The following TNRC6A variants were observed in gnomAD, a reference collection of about 807,000 sequenced individuals.
The protein encoded by TNRC6A is trinucleotide repeat containing adaptor 6A.
A neutral mutation model predicts 221.2 loss-of-function variants in TNRC6A; 44 were observed. That is an observed-to-expected ratio of 0.20 (90% confidence interval 0.16 to 0.26). TNRC6A has a LOEUF of 0.26. Among genes scored for constraint, TNRC6A ranks in the 10% least tolerant of loss-of-function variants. The pLI is 1.00. For synonymous variants in TNRC6A, 847 were observed against 838.5 expected, an observed-to-expected ratio of 1.01 and a Z score of -0.18; for missense variants, 2,199 against 2,404.4, an observed-to-expected ratio of 0.91 and a Z score of 1.79.
At chr16:24,787,944 G>C (rs763561996) in intron 5 of TNRC6A, among the ~76,000 whole-genome samples, 1 of 152,100 alleles carries the variant, frequency 6.6e-6, no homozygotes, top group Non-Finnish European at 1.5e-5. Flanking sequence ...AAAGCACTAC[G>C]TGTGATTCTG....
chr16:24,669,216 A>G (rs1005188405), intron 2 of TNRC6A, among the ~76,000 whole-genome samples: 15 of 152,106 alleles, frequency 9.9e-5, no homozygotes, highest in South Asian at 4.1e-4. Flanking sequence ...CTTCTAATAA[A>G]AATCCTGGCG....
At chr16:24,660,739 CTTTTTTTTT>C (rs58299677) in intron 2 of TNRC6A, among the ~76,000 whole-genome samples, 9 of 91,292 alleles carry the variant, frequency 9.9e-5, no homozygotes, top group South Asian at 8.0e-4. Context: ...TTTTTTTTTT[CTTTTTTTTT>C]TTTTTTTTTT....
chr16:24,744,110 T>G (rs2056951502), intron 2 of TNRC6A, among the ~76,000 whole-genome samples: 1 of 152,220 alleles, frequency 6.6e-6, no homozygotes, highest in South Asian at 2.1e-4. Context: ...AGAATGTCCC[T>G]CAGTCTGTAT....
At chr16:24,754,246 C>T (rs761806238) in intron 3 of TNRC6A, among the ~76,000 whole-genome samples, 8 of 151,950 alleles carry the variant, frequency 5.3e-5, no homozygotes, top group African/African-American at 1.9e-4. Context: ...TAGACACCGA[C>T]GAGCCTTACA....
chr16:24,820,056 T>C, intron 21 of TNRC6A, 83 bp from the exon 22 acceptor site: 1 of 1,298,248 alleles, frequency 7.7e-7, no homozygotes, highest in Non-Finnish European at 1.1e-6. Context: ...TTGCTTTTTG[T>C]GGGAGAATGG....
intron 2 of TNRC6A, among the ~76,000 whole-genome samples, chr16:24,675,021 C>T (rs1567345916): frequency 1.3e-5 from 2 of 152,114 alleles, no homozygotes; most frequent in Non-Finnish European, 2.9e-5. Context: ...TGGCATGCGT[C>T]TGTAGTCCCA....
rs537501471 is a variant in TNRC6A at position 24,711,076 on chromosome 16, C to T, written n.403-39650C>T. 2.6e-5 allele frequency among the ~76,000 whole-genome samples: 4 copies of T among 152,142 alleles called. No homozygotes were observed. In the East Asian group the frequency reaches 5.8e-4, roughly 22 times the overall value. ...ATTTTTAGTAGAGACTGGGTTTCAC[C>T]GTGTTAGCCAGGATGGTCTCAATCT... is the stretch of plus-strand genomic sequence containing the variant. On this transcript the variant is annotated intron_variant and non_coding_transcript_variant, in intron 2 of 2. Transcript: ENST00000566108.
intron 1 of TNRC6A, among the ~76,000 whole-genome samples, chr16:24,630,016 T>A (rs1385411075): frequency 2.0e-5 from 3 of 152,082 alleles, no homozygotes; most frequent in Non-Finnish European, 4.4e-5. Context: ...ATCTTAACCA[T>A]TTTTAAGTGT....
At chr16:24,719,839 T>C (rs1027876908) in intron 2 of TNRC6A, among the ~76,000 whole-genome samples, 1 of 122,198 alleles carries the variant, frequency 8.2e-6, no homozygotes. Flanking sequence ...AGACCTTGTC[T>C]CAAAAAAAAA....
At chr16:24,672,584 A>G (rs1216472074) in intron 2 of TNRC6A, among the ~76,000 whole-genome samples, 1 of 151,914 alleles carries the variant, frequency 6.6e-6, no homozygotes, top group Non-Finnish European at 1.5e-5. Flanking sequence ...TGGGACTACA[A>G]GCATGCACCA....
At chr16:24,708,621 A>C (rs1441224432) in intron 2 of TNRC6A, among the ~76,000 whole-genome samples, 1 of 151,750 alleles carries the variant, frequency 6.6e-6, no homozygotes, top group East Asian at 1.9e-4. Flanking sequence ...ACTGTCTCCA[A>C]TATGTAGTCT....
chr16:24,666,688 T>TATATATAC (rs1215764027), intron 2 of TNRC6A, among the ~76,000 whole-genome samples: 2 of 114,274 alleles, frequency 1.8e-5, no homozygotes, highest in African/African-American at 6.4e-5. Context: ...TATATATATA[T>TATATATAC]ACATATGGCA....
At chr16:24,660,728 C>CTTTTTTTTTTTTT (rs138458968) in intron 2 of TNRC6A, among the ~76,000 whole-genome samples, 5 of 122,536 alleles carry the variant, frequency 4.1e-5, no homozygotes, top group South Asian at 2.5e-4. Flanking sequence ...TTTCTTTTTT[C>CTTTTTTTTTTTTT]TTTTTTTTTT....
chr16:24,611,653 G>A (rs948921292), intron 1 of TNRC6A, among the ~76,000 whole-genome samples: 6 of 152,258 alleles, frequency 3.9e-5, no homozygotes, highest in African/African-American at 1.4e-4. Flanking sequence ...GAGGCAGCAT[G>A]TGAGCGATTT....
chr16:24,780,275 T>G (rs1241320954), intron 5 of TNRC6A, among the ~76,000 whole-genome samples: 1 of 152,132 alleles, frequency 6.6e-6, no homozygotes, highest in East Asian at 1.9e-4. Flanking sequence ...TTTCTCTCTC[T>G]CATATATGCA....
intron 2 of TNRC6A, among the ~76,000 whole-genome samples, chr16:24,713,966 G>A (rs1306056179): frequency 2.0e-5 from 3 of 152,116 alleles, no homozygotes; most frequent in East Asian, 1.9e-4. Context: ...GTTTTTAAAC[G>A]ATTCAATTAT....
rs36106864 is a variant in TNRC6A at position 24,645,834 on chromosome 16, C to CAAAA, written n.402+4855_402+4858dup. Among the ~76,000 whole-genome samples, 217 of 26,640 alleles carry CAAAA rather than the reference C, an allele frequency of 8.1e-3. 46 individuals carry two copies. The highest frequency in any genetic ancestry group is 0.011 in the East Asian group (8 of 706). The allele number at this position is 26,640 out of a possible 152,430, so 17.5% of individuals were successfully genotyped here. The stretch of plus-strand genomic sequence containing the variant: ...GAAACATGACAAGACCCTGTATCTA[C>CAAAA]AAAAAAAAAAAAAAAAAAAAAAAAA... On this transcript the variant is annotated intron_variant and non_coding_transcript_variant, in intron 2 of 2. Coordinates refer to the TNRC6A transcript ENST00000566108.
At chr16:24,769,176 AAC>A (rs1306226636) in intron 4 of TNRC6A, among the ~76,000 whole-genome samples, 2 of 152,172 alleles carry the variant, frequency 1.3e-5, no homozygotes, top group Non-Finnish European at 2.9e-5. Flanking sequence ...TATTTTTTAA[AAC>A]AGTTTTAGAC....
At chr16:24,816,385 TAATCCC>T (rs2058659445) in intron 19 of TNRC6A, 1 of 156,960 alleles carries the variant, frequency 6.4e-6, no homozygotes, top group African/African-American at 2.4e-5. Flanking sequence ...CTTATGCCTG[TAATCCC>T]AGCACTTTGG....
Sources: gnomAD v4.1 joint callset for allele counts (sites outside exome capture counted in the v4.1 genomes callset) on GRCh38, gnomAD v4.1.1 for gene constraint, MANE v1.5 for transcripts, NCBI Gene and HGNC (gene_info 2026-07-23, HGNC 2026-07-21) for gene names.